HELLS: variants seen among roughly 807,000 people sequenced by gnomAD.
HELLS encodes the protein helicase, lymphoid specific.
In HELLS, 32 loss-of-function variants were observed where a neutral mutation model predicts 120.0. The ratio of observed to expected loss-of-function variants is 0.27; its 90% CI spans 0.20 to 0.36. The LOEUF is 0.36. Among genes scored for constraint, HELLS ranks in the 10% least tolerant of loss-of-function variants. HELLS has a pLI of 1.00. For synonymous variants in HELLS, 341 were observed against 323.4 expected, an observed-to-expected ratio of 1.05 and a Z score of -0.58; for missense variants, 650 against 993.4, an observed-to-expected ratio of 0.65 and a Z score of 4.65.
At chr10:94,577,057 G>A in intron 10 of HELLS, 1 of 580,122 alleles carries the variant, frequency 1.7e-6, no homozygotes, top group Non-Finnish European at 3.2e-6. Context: ...TCCAGAAATA[G>A]ACCTAATCTC....
At chr10:94,604,345 G>A (rs889690267), downstream of HELLS, among the ~76,000 whole-genome samples, 4 of 151,904 alleles carry the variant, frequency 2.6e-5, no homozygotes, top group Admixed American at 2.0e-4. Flanking sequence ...GGCTGGTCTC[G>A]AACTCCTCAC....
intron 10 of HELLS, among the ~76,000 whole-genome samples, chr10:94,579,124 A>G (rs942224645): frequency 2.6e-5 from 4 of 151,598 alleles, no homozygotes; most frequent in Non-Finnish European, 5.9e-5. Flanking sequence ...AGTAATATAT[A>G]CCAATTTTTT....
In HELLS at chr10:94,601,916, G is replaced by A. The variant is rs1171177200; in HGVS notation, c.*294G>A. On this transcript the variant is annotated 3_prime_UTR_variant, in exon 22 of 22. Coordinates refer to ENST00000348459, the MANE Select transcript of HELLS (RefSeq NM_018063.5). ...TATACAGTCTTCCTGTGGAAGTTTA[G>A]TAAATGTCTTTTTCCCTCCTTTCTT... 1 of 181,898 alleles carries A rather than the reference G, an allele frequency of 5.5e-6. No homozygotes were observed. Among genetic ancestry groups the A allele is most frequent in the East Asian group, 1.5e-4 (1 of 6,812 alleles). The allele number at this position is 181,898 out of a possible 1,614,324, so 11.3% of individuals were successfully genotyped here.
At chr10:94,547,093 G>C (rs1362724862) in intron 2 of HELLS, among the ~76,000 whole-genome samples, 1 of 152,104 alleles carries the variant, frequency 6.6e-6, no homozygotes, top group East Asian at 1.9e-4. Flanking sequence ...AGTTGCTGTA[G>C]TTTTCTTGTA....
chr10:94,550,071 C>G (rs188838761), intron 2 of HELLS, among the ~76,000 whole-genome samples: 46 of 152,232 alleles, frequency 3.0e-4, no homozygotes, highest in Admixed American at 2.2e-3. Flanking sequence ...CAGGCATGTG[C>G]CGCCAAGCCT....
Position 94,583,048 on chromosome 10 carries a change from A to AT in HELLS, c.1316dup (p.Met439IlefsTer17). ...AGAAAGAGAACAGAATGTATTGCAT[A>AT]TGCTGCACCAGGTTTTCCATGTTTT... is the stretch of plus-strand genomic sequence containing the variant. On this transcript the variant is annotated frameshift_variant, in exon 12 of 22. Coordinates refer to ENST00000348459, the MANE Select transcript of HELLS (RefSeq NM_018063.5). LOFTEE classifies it high-confidence loss of function. The AT allele has an allele frequency of 6.3e-7, 1 of 1,582,890 alleles. No individual in the cohort carries two copies. The highest frequency in any genetic ancestry group is 8.6e-7 in the Non-Finnish European group (1 of 1,160,490).
chr10:94,590,391 C>T (rs1845425611), intron 13 of HELLS, 22 bp from the exon 14 acceptor site: 1 of 1,584,326 alleles, frequency 6.3e-7, no homozygotes, highest in African/African-American at 1.4e-5. Context: ...AACTGAATTT[C>T]TTTTAATTCG....
exon 9 of HELLS, chr10:94,608,017 G>A (rs564864356): frequency 1.7e-5 from 5 of 285,912 alleles, no homozygotes; most frequent in Admixed American, 4.2e-5. Context: ...GAGCCACTGC[G>A]TGGCCTGAGG....
At chr10:94,569,659 A>C (rs1309570340) in intron 6 of HELLS, 1 of 152,080 alleles carries the variant, frequency 6.6e-6, no homozygotes, top group Non-Finnish European at 1.5e-5. Context: ...TAGTGACTAC[A>C]CCTCAAACAC....
intron 19 of HELLS, among the ~76,000 whole-genome samples, chr10:94,595,255 T>A (rs1440970780): frequency 6.6e-6 from 1 of 151,924 alleles, no homozygotes; most frequent in Non-Finnish European, 1.5e-5. Flanking sequence ...CAGCCTGATA[T>A]GACAGGATTT....
At chr10:94,560,913 A>G (rs988293993) in intron 4 of HELLS, among the ~76,000 whole-genome samples, 5 of 151,962 alleles carry the variant, frequency 3.3e-5, no homozygotes, top group African/African-American at 7.2e-5. Context: ...AAAATTAGCC[A>G]GGCATGATGG....
chr10:94,545,979 G>T, intron 1 of HELLS, 27 bp downstream of exon 1: 1 of 1,553,912 alleles, frequency 6.4e-7, no homozygotes, highest in South Asian at 1.2e-5. Context: ...TTTTGGGCGC[G>T]GGTGGCAGCC....
chr10:94,593,350 T>G (rs1458443870), intron 17 of HELLS, 149 bp from the exon 18 acceptor site: 1 of 573,388 alleles, frequency 1.7e-6, no homozygotes, highest in African/African-American at 1.9e-5. Flanking sequence ...GCACAGGTTT[T>G]GTTAACATAA....
At chr10:94,555,351 C>T (rs952337933) in intron 3 of HELLS, among the ~76,000 whole-genome samples, 8 of 152,038 alleles carry the variant, frequency 5.3e-5, no homozygotes, top group Non-Finnish European at 7.4e-5. Context: ...GCAGGAGGAT[C>T]GCTTGAACCC....
intron 4 of HELLS, among the ~76,000 whole-genome samples, chr10:94,559,902 T>C (rs959291856): frequency 2.6e-5 from 4 of 152,218 alleles, no homozygotes; most frequent in Non-Finnish European, 5.9e-5. Context: ...AAGTCAATAG[T>C]CATAGTGATT....
chr10:94,545,952 G>A lies in HELLS; in HGVS notation c.31G>A (p.Gly11Ser). The change falls in exon 1 of 22, where the codon GGC becomes AGC. Residue 11 changes from glycine (G) to serine (S), a missense_variant and splice_region_variant. Transcript: ENST00000348459. MPAERPAGSG[G>S]SEAPAMVEQL... ...AGCGGAACGGCCCGCGGGCAGCGGC[G>A]GTGAGTGAGGAAAACCTTTTGGGCG... is the stretch of plus-strand genomic sequence containing the variant. The A allele has an allele frequency of 2.6e-6, 4 of 1,556,172 alleles. No homozygotes were observed. The highest frequency in any genetic ancestry group is 3.5e-6 in the Non-Finnish European group (4 of 1,149,180).
chr10:94,547,173 C>G (rs1042639937), intron 2 of HELLS, among the ~76,000 whole-genome samples: 4 of 152,114 alleles, frequency 2.6e-5, no homozygotes, highest in Non-Finnish European at 5.9e-5. Context: ...AAAGCCCCAC[C>G]CTGCTGCTTG....
exon 10 of HELLS, chr10:94,613,110 G>C (rs1846210532): frequency 6.6e-6 from 1 of 152,194 alleles, no homozygotes; most frequent in Non-Finnish European, 1.5e-5. Flanking sequence ...ACAGAACTAT[G>C]CAAGAATTTC....
At chr10:94,605,692 C>T (rs1408155856), downstream of HELLS, among the ~76,000 whole-genome samples, 2 of 144,838 alleles carry the variant, frequency 1.4e-5, no homozygotes, top group East Asian at 4.1e-4. Flanking sequence ...GTCACCTAGG[C>T]ATGAATACAG....
Sources: gnomAD v4.1 joint callset for allele counts (sites outside exome capture counted in the v4.1 genomes callset) on GRCh38, gnomAD v4.1.1 for gene constraint, MANE v1.5 for transcripts, NCBI Gene and HGNC (gene_info 2026-07-23, HGNC 2026-07-21) for gene names.